Variants in HACD2 observed in about 807,000 individuals in gnomAD.
HACD2 encodes very-long-chain (3R)-3-hydroxyacyl-CoA dehydratase 2.
In HACD2, 15 loss-of-function variants were observed where a neutral mutation model predicts 31.0. The ratio of observed to expected loss-of-function variants is 0.48; its 90% CI spans 0.32 to 0.75. The LOEUF is 0.75. HACD2 is among the 30% of genes least tolerant of loss of function. The pLI, the probability that HACD2 is intolerant of heterozygous loss-of-function variation, is 0.03. For synonymous variants in HACD2, 115 were observed against 122.2 expected, an observed-to-expected ratio of 0.94 and a Z score of 0.39; for missense variants, 283 against 313.0, an observed-to-expected ratio of 0.90 and a Z score of 0.72.
chr3:123,512,929 T>C (rs915828227), intron 4 of HACD2, among the ~76,000 whole-genome samples: 2 of 152,212 alleles, frequency 1.3e-5, no homozygotes, highest in African/African-American at 4.8e-5. Context: ...GCACCTCATC[T>C]ACCCAGATCC....
intron 5 of HACD2, among the ~76,000 whole-genome samples, 175 bp from the exon 6 acceptor site, chr3:123,500,868 A>G (rs1576726748): frequency 6.6e-6 from 1 of 152,262 alleles, no homozygotes; most frequent in East Asian, 1.9e-4. Flanking sequence ...ACCAGCCTAC[A>G]GCAGGTATAT....
At chr3:123,495,596 T>TAAA (rs57926133) in intron 6 of HACD2, among the ~76,000 whole-genome samples, 1 of 148,120 alleles carries the variant, frequency 6.8e-6, no homozygotes. Flanking sequence ...GTTTGGATGT[T>TAAA]AAAAAAAAAA....
At chr3:123,574,514 A>G (rs1013163694) in intron 2 of HACD2, among the ~76,000 whole-genome samples, 1 of 152,120 alleles carries the variant, frequency 6.6e-6, no homozygotes, top group Non-Finnish European at 1.5e-5. Flanking sequence ...TCCTGCCATT[A>G]AAAAAATTAA....
intron 4 of HACD2, among the ~76,000 whole-genome samples, chr3:123,520,148 T>C (rs1374294829): frequency 6.6e-6 from 1 of 152,222 alleles, no homozygotes; most frequent in Non-Finnish European, 1.5e-5. Context: ...CTGCAGTGCA[T>C]GAGGAGAACA....
chr3:123,528,259 T>C, intron 4 of HACD2, 127 bp downstream of exon 4: 1 of 651,612 alleles, frequency 1.5e-6, no homozygotes, highest in Admixed American at 2.5e-5. Context: ...GTGAGCTTTA[T>C]CTCAGCTATA....
intron 3 of HACD2, among the ~76,000 whole-genome samples, chr3:123,545,195 CT>C (rs1242585879): frequency 1.4e-5 from 2 of 137,984 alleles, no homozygotes; most frequent in African/African-American, 5.5e-5. Context: ...GAAATAAAGT[CT>C]TTTGGTCAGG....
At chr3:123,545,034 CAAAA>C (rs71142743) in intron 3 of HACD2, among the ~76,000 whole-genome samples, 1 of 45,214 alleles carries the variant, frequency 2.2e-5, no homozygotes. Flanking sequence ...GACCCTGCCT[CAAAA>C]AAAAAAAAAA....
chr3:123,575,342 C>A (rs552333781), intron 2 of HACD2, among the ~76,000 whole-genome samples: 2 of 152,238 alleles, frequency 1.3e-5, no homozygotes, highest in African/African-American at 4.8e-5. Flanking sequence ...GTCTTGAACT[C>A]CTGGCCTGAA....
At chr3:123,518,821 C>T (rs1433907686) in intron 4 of HACD2, among the ~76,000 whole-genome samples, 2 of 151,906 alleles carry the variant, frequency 1.3e-5, no homozygotes, top group Admixed American at 1.3e-4. Context: ...TATGGTGAAA[C>T]CCCATCTCTA....
chr3:123,504,573 C>A (rs1178879916), intron 4 of HACD2, among the ~76,000 whole-genome samples: 3 of 151,816 alleles, frequency 2.0e-5, no homozygotes, highest in Non-Finnish European at 4.4e-5. Context: ...CCAAAACCTC[C>A]TGCTTTGACC....
At chr3:123,496,898 A>G (rs2055839848) in intron 6 of HACD2, among the ~76,000 whole-genome samples, 1 of 152,210 alleles carries the variant, frequency 6.6e-6, no homozygotes, top group South Asian at 2.1e-4. Flanking sequence ...TCATGCATTA[A>G]GCCCTTGGTG....
At chr3:123,527,468 C>T (rs1345445383) in intron 4 of HACD2, among the ~76,000 whole-genome samples, 1 of 152,224 alleles carries the variant, frequency 6.6e-6, no homozygotes, top group African/African-American at 2.4e-5. Context: ...GTATATGCTA[C>T]TGGCCCATTA....
At chr3:123,502,005 T>TA in intron 5 of HACD2, among the ~76,000 whole-genome samples, 1 of 152,370 alleles carries the variant, frequency 6.6e-6, no homozygotes, top group Non-Finnish European at 1.5e-5. Context: ...CATGGACTCA[T>TA]TAAGGTAAGC....
At chr3:123,568,681 G>A (rs1046049304) in intron 2 of HACD2, among the ~76,000 whole-genome samples, 14 of 152,020 alleles carry the variant, frequency 9.2e-5, no homozygotes, top group Non-Finnish European at 1.5e-5. Flanking sequence ...GGGTGGTGGT[G>A]GCAAAAAAGT....
chr3:123,567,680 G>T (rs1432212009), intron 3 of HACD2, 82 bp downstream of exon 3: 1 of 881,678 alleles, frequency 1.1e-6, no homozygotes, highest in Non-Finnish European at 1.6e-6. Context: ...ATATTTAACA[G>T]AAATCAATAA....
At chr3:123,576,817 G>C (rs1290220693) in intron 2 of HACD2, among the ~76,000 whole-genome samples, 2 of 152,274 alleles carry the variant, frequency 1.3e-5, no homozygotes, top group Non-Finnish European at 2.9e-5. Flanking sequence ...GATAAGAAGG[G>C]ATCTTTCTTC....
chr3:123,504,130 T>C (rs928811365), intron 4 of HACD2, among the ~76,000 whole-genome samples: 10 of 152,250 alleles, frequency 6.6e-5, no homozygotes, highest in Admixed American at 1.3e-4. Context: ...AAAGCTTTCA[T>C]GGTAAGATTT....
chr3:123,578,320 G>A (rs897415707), intron 2 of HACD2, among the ~76,000 whole-genome samples: 1 of 151,998 alleles, frequency 6.6e-6, no homozygotes, highest in African/African-American at 2.4e-5. Flanking sequence ...ACCCAGGCTG[G>A]AGTGCAGTGG....
At chr3:123,551,915 A>G (rs915656005) in intron 3 of HACD2, among the ~76,000 whole-genome samples, 2 of 152,260 alleles carry the variant, frequency 1.3e-5, no homozygotes, top group Non-Finnish European at 2.9e-5. Flanking sequence ...ATCAACAGTA[A>G]CAAATACAAG....
Sources: allele counts gnomAD v4.1 joint callset (sites outside exome capture counted in the v4.1 genomes callset), GRCh38; gene constraint gnomAD v4.1.1; transcripts MANE v1.5; gene names NCBI Gene and HGNC (gene_info 2026-07-23, HGNC 2026-07-21).